CAMKMT: variants seen among roughly 807,000 people sequenced by gnomAD.
CAMKMT encodes the protein CaM KMT.
CAMKMT carries 53 observed loss-of-function variants against 48.0 expected under a neutral mutation model. The ratio of observed to expected loss-of-function variants is 1.10; its 90% confidence interval spans 0.89 to 1.39. The LOEUF (loss-of-function observed/expected upper bound fraction) is 1.39, where lower values mean the gene tolerates loss of function less well. CAMKMT is among the 40% of genes most tolerant of loss of function. The pLI is 0.00. For missense variants in CAMKMT, 428 were observed against 402.7 expected (o/e 1.06, Z -0.54); for synonymous variants, 165 against 152.3 (o/e 1.08, Z -0.61).
intron 7 of CAMKMT, among the ~76,000 whole-genome samples, chr2:44,737,209 G>A (rs965598416): frequency 1.3e-5 from 2 of 152,020 alleles, no homozygotes; most frequent in Non-Finnish European, 2.9e-5. Context: ...TCAACTTCCC[G>A]AGCTCAAGTG....
chr2:44,684,846 A>C (rs184366632), intron 3 of CAMKMT, among the ~76,000 whole-genome samples: 8 of 152,322 alleles, frequency 5.3e-5, no homozygotes, highest in Admixed American at 5.2e-4. Flanking sequence ...AGTCAGTGAA[A>C]GTGGATTGAG....
intron 2 of CAMKMT, among the ~76,000 whole-genome samples, chr2:44,381,139 G>A (rs140839127): frequency 3.6e-3 from 543 of 152,244 alleles, no homozygotes; most frequent in Non-Finnish European, 5.2e-3. Flanking sequence ...CACCCTGGGT[G>A]ACAGTGCAAG....
At chr2:44,425,736 T>C (rs544287914) in intron 3 of CAMKMT, among the ~76,000 whole-genome samples, 2 of 152,206 alleles carry the variant, frequency 1.3e-5, no homozygotes, top group East Asian at 1.9e-4. Flanking sequence ...TCTATCTTTT[T>C]TTTTTTTTTC....
chr2:44,416,372 C>T (rs1683550730), intron 3 of CAMKMT, among the ~76,000 whole-genome samples: 1 of 152,022 alleles, frequency 6.6e-6, no homozygotes, highest in African/African-American at 2.4e-5. Context: ...AAGTTTTATA[C>T]ATTCATGTAA....
Position 44,689,304 on chromosome 2 carries a change from ATTT to A in CAMKMT, c.377-14978_377-14976del, listed in dbSNP as rs1416174034. On this transcript the variant is annotated intron_variant, in intron 3 of 10. Transcript: ENST00000378494. ...TATTTATTTATTTATTTATTTATTT[ATTT>A]ATTTTGAGACAGGGAGAGTCTCGCT... Among the ~76,000 whole-genome samples, 5 of 148,900 alleles carry A rather than the reference ATTT, an allele frequency of 3.4e-5. No homozygotes were observed. The South Asian group carries it at 8.5e-4, about 25-fold the overall frequency.
At position 44,743,692 on chromosome 2, in the gene CAMKMT, G is replaced by A. The variant is rs1679799883; in HGVS notation, c.694G>A (p.Asp232Asn). 1 of 1,609,956 alleles carries A rather than the reference G, an allele frequency of 6.2e-7. No individual in the cohort carries two copies. The highest frequency in any genetic ancestry group is 8.5e-7 in the Non-Finnish European group (1 of 1,176,740). Residue 232 changes from aspartate (D) to asparagine (N), a missense_variant, in exon 8 of 11, where the codon GAC (aspartate) becomes AAC (asparagine). By Grantham distance (23) the Asp-to-Asn change is conservative (BLOSUM62 1). Transcript: ENST00000378494. ...ACATTTTGACATTGTTATGTGTGCT[G>A]ACTGGTAAGTACATAAAAATCACAA... ...EGHFDIVMCA[D>N]CLFLDQYRAS...
At chr2:44,537,951 G>C (rs2104845455) in intron 3 of CAMKMT, among the ~76,000 whole-genome samples, 1 of 152,256 alleles carries the variant, frequency 6.6e-6, no homozygotes, top group East Asian at 1.9e-4. Flanking sequence ...TCCCACTACT[G>C]GGTATCTACC....
chr2:44,724,148 G>A (rs868175258), intron 7 of CAMKMT, among the ~76,000 whole-genome samples: 1 of 152,148 alleles, frequency 6.6e-6, no homozygotes, highest in African/African-American at 2.4e-5. Flanking sequence ...GCGTGTGCCT[G>A]TAGTCCCAGA....
intron 7 of CAMKMT, among the ~76,000 whole-genome samples, chr2:44,726,683 A>T (rs1228681424): frequency 6.6e-6 from 1 of 152,218 alleles, no homozygotes; most frequent in Non-Finnish European, 1.5e-5. Context: ...TTAGCCAAAA[A>T]TTATTTGCCA....
intron 3 of CAMKMT, among the ~76,000 whole-genome samples, chr2:44,681,352 G>T (rs573813258): frequency 6.0e-4 from 91 of 152,090 alleles, no homozygotes; most frequent in Non-Finnish European, 1.6e-4. Flanking sequence ...GATTTTAGTC[G>T]CAGCTGATCC....
chr2:44,729,138 G>T (rs1029713499), intron 7 of CAMKMT, among the ~76,000 whole-genome samples: 1 of 152,000 alleles, frequency 6.6e-6, no homozygotes, highest in African/African-American at 2.4e-5. Flanking sequence ...GTGACTGTAC[G>T]TAGAATGTAA....
chr2:44,560,143 C>T (rs1361598228), intron 3 of CAMKMT, among the ~76,000 whole-genome samples: 1 of 152,168 alleles, frequency 6.6e-6, no homozygotes, highest in Non-Finnish European at 1.5e-5. Flanking sequence ...ACACAACACA[C>T]TGGGAGTTTC....
At chr2:44,530,105 C>T (rs1196459113) in intron 3 of CAMKMT, among the ~76,000 whole-genome samples, 1 of 152,152 alleles carries the variant, frequency 6.6e-6, no homozygotes, top group Non-Finnish European at 1.5e-5. Context: ...GAACAGCTCA[C>T]TTCAATGTCA....
chr2:44,552,887 G>T (rs1667798778), intron 3 of CAMKMT, among the ~76,000 whole-genome samples: 1 of 152,098 alleles, frequency 6.6e-6, no homozygotes, highest in African/African-American at 2.4e-5. Context: ...CCTTTCCCCT[G>T]ATAATCTTTG....
At chr2:44,667,848 T>G (rs1432505369) in intron 3 of CAMKMT, among the ~76,000 whole-genome samples, 1 of 152,188 alleles carries the variant, frequency 6.6e-6, no homozygotes, top group Non-Finnish European at 1.5e-5. Context: ...TTTTCATTGC[T>G]CATCACTCCC....
intron 7 of CAMKMT, among the ~76,000 whole-genome samples, chr2:44,731,996 G>A (rs1679100914): frequency 6.6e-6 from 1 of 152,200 alleles, no homozygotes; most frequent in Non-Finnish European, 1.5e-5. Flanking sequence ...TTGTCATCCA[G>A]GCTGGAGTAC....
intron 3 of CAMKMT, among the ~76,000 whole-genome samples, chr2:44,435,836 A>C (rs1217229737): frequency 6.6e-6 from 1 of 152,214 alleles, no homozygotes; most frequent in Non-Finnish European, 1.5e-5. Context: ...TAGTTTACCA[A>C]GTTGTATATC....
At chr2:44,586,657 T>C (rs1669873712) in intron 3 of CAMKMT, among the ~76,000 whole-genome samples, 1 of 152,250 alleles carries the variant, frequency 6.6e-6, no homozygotes, top group Non-Finnish European at 1.5e-5. Flanking sequence ...TTTTTATTGC[T>C]GAGTAGTATT....
intron 3 of CAMKMT, among the ~76,000 whole-genome samples, chr2:44,643,625 A>C (rs1317184805): frequency 6.6e-6 from 1 of 152,188 alleles, no homozygotes; most frequent in Non-Finnish European, 1.5e-5. Flanking sequence ...GGGAAAGAAT[A>C]AAATATTTCC....
Sources: allele counts gnomAD v4.1 joint callset (sites outside exome capture counted in the v4.1 genomes callset), GRCh38; gene constraint gnomAD v4.1.1; transcripts MANE v1.5; gene names NCBI Gene and HGNC (gene_info 2026-07-23, HGNC 2026-07-21).